Variants in ZEB1 observed in about 807,000 individuals in gnomAD.
The protein encoded by ZEB1 is zinc finger E-box-binding homeobox 1.
In ZEB1, 21 loss-of-function variants were observed where a neutral mutation model predicts 84.9. The observed-to-expected ratio is 0.25, with a 90% confidence interval of 0.18 to 0.36. The LOEUF (loss-of-function observed/expected upper bound fraction) is 0.36. Among genes scored for constraint, ZEB1 ranks in the 10% least tolerant of loss-of-function variants. ZEB1 has a pLI of 1.00. For missense variants in ZEB1, 1,104 were observed against 1,330.2 expected (o/e 0.83, Z 2.65); for synonymous variants, 420 against 471.1 (o/e 0.89, Z 1.41).
chr10:31,415,468 A>G (rs542637001), intron 1 of ZEB1, among the ~76,000 whole-genome samples: 23 of 152,132 alleles, frequency 1.5e-4, no homozygotes, highest in Middle Eastern at 6.8e-3. Context: ...AGTCTTTTCG[A>G]CCATGTTCGT....
chr10:31,442,553 TATAATA>T (rs944377138), intron 1 of ZEB1, among the ~76,000 whole-genome samples: 10 of 143,526 alleles, frequency 7.0e-5, no homozygotes, highest in Middle Eastern at 6.8e-3. Flanking sequence ...AACTTAAAAG[TATAATA>T]ATAATAATAA....
chr10:31,450,005 A>T (rs558923827), intron 1 of ZEB1, among the ~76,000 whole-genome samples: 1 of 152,324 alleles, frequency 6.6e-6, no homozygotes, highest in South Asian at 2.1e-4. Context: ...TGAAGCTGTG[A>T]TTTGAGCCAG....
chr10:31,447,657 T>G, intron 1 of ZEB1, among the ~76,000 whole-genome samples: 3 of 148,682 alleles, frequency 2.0e-5, no homozygotes, highest in Non-Finnish European at 4.5e-5. Flanking sequence ...AGGATTTTAT[T>G]TCTCCTTCAC....
intron 1 of ZEB1, among the ~76,000 whole-genome samples, chr10:31,364,031 C>T (rs1373786677): frequency 3.9e-5 from 6 of 152,300 alleles, no homozygotes; most frequent in Non-Finnish European, 5.9e-5. Flanking sequence ...GAACAAAATA[C>T]GCTTAGCGAG....
intron 1 of ZEB1, among the ~76,000 whole-genome samples, chr10:31,408,860 A>G (rs1193885180): frequency 6.6e-6 from 1 of 150,874 alleles, no homozygotes; most frequent in Non-Finnish European, 1.5e-5. Context: ...CTAAAACACC[A>G]AAAGCAATGG....
chr10:31,356,928 T>G lies in ZEB1; in HGVS notation c.58+37636T>G, dbSNP rs558170568. Among the ~76,000 whole-genome samples the G allele has an allele frequency of 3.9e-5, 6 of 152,300 alleles. No individual in the cohort carries two copies. In the South Asian group the frequency reaches 1.2e-3, roughly 32 times the overall value. On this transcript the variant is annotated intron_variant, in intron 1 of 8. Coordinates refer to ENST00000424869, the MANE Select transcript of ZEB1 (RefSeq NM_001174096.2). ...AAGGATCCTAAAATACAGATTTTTA[T>G]GTAAATTAGTTGGTAATTAATTTAG...
intron 1 of ZEB1, among the ~76,000 whole-genome samples, chr10:31,420,253 C>T (rs567023189): frequency 6.6e-5 from 10 of 152,108 alleles, no homozygotes; most frequent in African/African-American, 2.4e-4. Context: ...TTAAACAACA[C>T]GTATTTATTG....
intron 2 of ZEB1, among the ~76,000 whole-genome samples, chr10:31,483,896 GTGT>G (rs1179410254): frequency 1.3e-5 from 2 of 151,996 alleles, no homozygotes; most frequent in East Asian, 3.9e-4. Flanking sequence ...TAAAATCTAA[GTGT>G]TGTATTCCTT....
At chr10:31,414,148 T>A (rs1398651812) in intron 1 of ZEB1, among the ~76,000 whole-genome samples, 6 of 152,188 alleles carry the variant, frequency 3.9e-5, no homozygotes, top group Non-Finnish European at 7.3e-5. Flanking sequence ...TAACATGGAG[T>A]TAATAAAACA....
chr10:31,448,889 A>C (rs918806491), intron 1 of ZEB1, among the ~76,000 whole-genome samples: 8 of 152,206 alleles, frequency 5.3e-5, no homozygotes, highest in Non-Finnish European at 1.0e-4. Context: ...CTGTCCCCAG[A>C]GGTGGAGCCT....
intron 1 of ZEB1, among the ~76,000 whole-genome samples, chr10:31,336,549 C>T (rs2038101200): frequency 1.3e-5 from 2 of 152,080 alleles, no homozygotes; most frequent in Admixed American, 1.3e-4. Flanking sequence ...AATATGACTA[C>T]ATCAAAATTA....
At chr10:31,480,934 T>C (rs574093336) in intron 2 of ZEB1, among the ~76,000 whole-genome samples, 120 of 152,250 alleles carry the variant, frequency 7.9e-4, no homozygotes, top group African/African-American at 2.9e-3. Flanking sequence ...ATTTAAATTA[T>C]TTATTTTTTG....
At chr10:31,356,730 T>C (rs1439264802) in intron 1 of ZEB1, among the ~76,000 whole-genome samples, 2 of 152,126 alleles carry the variant, frequency 1.3e-5, no homozygotes, top group Admixed American at 6.6e-5. Context: ...CAACTACCTA[T>C]ACGGGCCTTA....
chr10:31,321,147 C>T (rs771235611), intron 1 of ZEB1: 195 of 1,064,502 alleles, frequency 1.8e-4, no homozygotes, highest in Non-Finnish European at 2.2e-4. Flanking sequence ...TCTCCCTCCC[C>T]TCTGGGATGC....
intron 1 of ZEB1, among the ~76,000 whole-genome samples, chr10:31,457,204 A>G (rs938907254): frequency 1.3e-5 from 2 of 152,186 alleles, no homozygotes; most frequent in African/African-American, 4.8e-5. Flanking sequence ...TCAGGGGTAT[A>G]GAGATCATTG....
intron 2 of ZEB1, among the ~76,000 whole-genome samples, chr10:31,479,667 C>T (rs1264384166): frequency 6.6e-6 from 1 of 151,712 alleles, no homozygotes; most frequent in African/African-American, 2.4e-5. Context: ...TGTCAAAGAT[C>T]TAAATTATAT....
chr10:31,479,497 A>T (rs965874555), intron 2 of ZEB1, among the ~76,000 whole-genome samples: 5 of 152,054 alleles, frequency 3.3e-5, no homozygotes, highest in Middle Eastern at 3.4e-3. Context: ...AAAAATCCTC[A>T]ACAAGATAAT....
At chr10:31,363,686 T>C (rs1376766377) in intron 1 of ZEB1, 1 of 1,282,902 alleles carries the variant, frequency 7.8e-7, no homozygotes. Context: ...CAAGGGATCC[T>C]TACGGGGCTG....
At chr10:31,345,247 C>T (rs1319445485) in intron 1 of ZEB1, among the ~76,000 whole-genome samples, 1 of 151,988 alleles carries the variant, frequency 6.6e-6, no homozygotes, top group Non-Finnish European at 1.5e-5. Context: ...TCAGTTACTC[C>T]ATTTACCTGA....
Sources: allele counts gnomAD v4.1 joint callset (sites outside exome capture counted in the v4.1 genomes callset), GRCh38; gene constraint gnomAD v4.1.1; transcripts MANE v1.5; gene names NCBI Gene and HGNC (gene_info 2026-07-23, HGNC 2026-07-21).